RHCE: variants seen among roughly 807,000 people sequenced by gnomAD.
RHCE encodes Rh blood group CcEe antigens, also known as blood group Rh(CE) polypeptide.
In RHCE, 22 loss-of-function variants were observed where a neutral mutation model predicts 43.8. The observed-to-expected ratio is 0.50, with a 90% CI of 0.36 to 0.72. The LOEUF (loss-of-function observed/expected upper bound fraction) is 0.72, where lower values mean the gene tolerates loss of function less well. Ranked by LOEUF, RHCE falls within the 30% of genes least tolerant of loss-of-function variation. RHCE has a pLI of 0.00. For synonymous variants in RHCE, 156 were observed against 210.7 expected, an observed-to-expected ratio of 0.74 and a Z score of 2.25; for missense variants, 385 against 525.4, an observed-to-expected ratio of 0.73 and a Z score of 2.61.
At chr1:25,392,175 G>T in intron 3 of RHCE, 34 bp from the exon 4 acceptor site, 1 of 1,613,880 alleles carries the variant, frequency 6.2e-7, no homozygotes, top group Non-Finnish European at 8.5e-7. Flanking sequence ...AGTGAGTGTC[G>T]GCATCCTCTG....
intron 8 of RHCE, among the ~76,000 whole-genome samples, chr1:25,371,468 A>T (rs1645609575): frequency 6.6e-6 from 1 of 151,194 alleles, no homozygotes; most frequent in East Asian, 2.0e-4. Context: ...ACTCCCAGGC[A>T]CAAGCAACCC....
intron 5 of RHCE, among the ~76,000 whole-genome samples, chr1:25,389,731 G>A (rs183173336): frequency 9.9e-5 from 15 of 152,048 alleles, no homozygotes; most frequent in Non-Finnish European, 2.1e-4. Context: ...ATTATTATTG[G>A]CTACTTGGTG....
chr1:25,420,251 T>C (rs2042731344), intron 1 of RHCE, among the ~76,000 whole-genome samples: 1 of 151,980 alleles, frequency 6.6e-6, no homozygotes, highest in Admixed American at 6.6e-5. Flanking sequence ...CAACATGAAA[T>C]TGCTTGCATA....
chr1:25,402,820 C>T, intron 2 of RHCE, 74 bp from the exon 3 acceptor site: 3 of 1,592,638 alleles, frequency 1.9e-6, no homozygotes, highest in East Asian at 2.2e-5. Context: ...TTCATTCATT[C>T]ATTCAACAAA....
intron 1 of RHCE, among the ~76,000 whole-genome samples, chr1:25,413,237 C>A (rs544731580): frequency 1.3e-5 from 2 of 152,306 alleles, no homozygotes; most frequent in South Asian, 4.1e-4. Flanking sequence ...AGAGCTCATG[C>A]ACCCCAAACT....
intron 1 of RHCE, among the ~76,000 whole-genome samples, chr1:25,413,003 G>A (rs771736276): frequency 1.2e-4 from 19 of 152,080 alleles, no homozygotes; most frequent in Non-Finnish European, 2.6e-4. Context: ...CAGCCTGGAT[G>A]ACAGAGTGAG....
chr1:25,390,115 C>G (rs555870281), intron 5 of RHCE, among the ~76,000 whole-genome samples: 2 of 152,254 alleles, frequency 1.3e-5, no homozygotes, highest in East Asian at 3.9e-4. Flanking sequence ...ACCCCCTGCC[C>G]CCATCATCAT....
intron 8 of RHCE, 96 bp from the exon 9 acceptor site, chr1:25,370,636 T>A (rs1398146918): frequency 9.2e-7 from 1 of 1,088,148 alleles, no homozygotes; most frequent in Non-Finnish European, 1.4e-6. Context: ...AACGACAGTG[T>A]CTCAACAGAA....
chr1:25,378,125 G>C (rs1197964041), intron 7 of RHCE, among the ~76,000 whole-genome samples: 1 of 152,130 alleles, frequency 6.6e-6, no homozygotes, highest in African/African-American at 2.4e-5. Context: ...GTAAAAAATA[G>C]GTTTCACTGC....
chr1:25,395,489 C>A (rs1238377122), intron 3 of RHCE, among the ~76,000 whole-genome samples: 4 of 152,202 alleles, frequency 2.6e-5, no homozygotes, highest in African/African-American at 9.7e-5. Context: ...CCTCCTGAGT[C>A]TGGCAGCACT....
intron 8 of RHCE, among the ~76,000 whole-genome samples, chr1:25,370,947 G>A (rs1645592273): frequency 6.8e-6 from 1 of 148,110 alleles, no homozygotes; most frequent in Non-Finnish European, 1.5e-5. Flanking sequence ...AGTAGGATGG[G>A]GTTTCACCAT....
chr1:25,402,646 C>A lies in RHCE; in HGVS notation c.436G>T (p.Glu146Ter). ...CTCAGGGTGCCTAAAGCTGTCACCT[C>A]CACCAGCACCATCACCACCAACTGC... Reference protein sequence around the residue: ...LAQLVVMVLVEVTALGTLRMV... With the variant: ...LAQLVVMVLV Residue 146 changes from glutamate to a stop codon, truncating the protein, a stop_gained, in exon 3 of 10, where the codon GAG (glutamate) becomes TAG (stop). Transcript: ENST00000294413. LOFTEE classifies it high-confidence loss of function. 9.3e-6 allele frequency: 15 copies of A among 1,614,146 alleles called. No individual in the cohort carries two copies. The highest frequency in any genetic ancestry group is 1.3e-5 in the Non-Finnish European group (15 of 1,180,028).
At chr1:25,382,498 C>A (rs1037216653) in intron 7 of RHCE, among the ~76,000 whole-genome samples, 24 of 148,798 alleles carry the variant, frequency 1.6e-4, no homozygotes, top group Non-Finnish European at 2.7e-4. Flanking sequence ...TAAACCCAAA[C>A]CTGCTGACTG....
At chr1:25,396,959 C>G (rs1646561425) in intron 3 of RHCE, among the ~76,000 whole-genome samples, 1 of 149,222 alleles carries the variant, frequency 6.7e-6, no homozygotes, top group South Asian at 2.1e-4. Flanking sequence ...ACTAAAAATA[C>G]AAAAATTAAC....
chr1:25,379,474 TATATATATATATATATATATA>T (rs1452187573), intron 7 of RHCE, among the ~76,000 whole-genome samples: 16 of 7,854 alleles, frequency 2.0e-3, no homozygotes, highest in African/African-American at 9.1e-3. Flanking sequence ...TATATATATA[TATATATATATATATATATATA>T]TTTTTTTTTT....
At chr1:25,385,270 C>T (rs1195687422) in intron 7 of RHCE, among the ~76,000 whole-genome samples, 4 of 152,222 alleles carry the variant, frequency 2.6e-5, no homozygotes, top group Non-Finnish European at 4.4e-5. Flanking sequence ...AGCATCCCAA[C>T]AGCCCTGTGA....
chr1:25,404,222 G>A (rs706845), intron 2 of RHCE, among the ~76,000 whole-genome samples: 84,805 of 144,932 alleles, frequency 0.59, 26,369 homozygotes, highest in African/African-American at 0.79. Flanking sequence ...CTAGCTCACC[G>A]TTCAGTATCC....
upstream of RHCE, among the ~76,000 whole-genome samples, chr1:25,422,549 G>A (rs2042773700): frequency 6.6e-6 from 1 of 152,136 alleles, no homozygotes; most frequent in South Asian, 2.1e-4. Context: ...CATGACACTG[G>A]GATGGGTACT....
chr1:25,412,176 G>C (rs147091261), intron 1 of RHCE, among the ~76,000 whole-genome samples: 13 of 152,338 alleles, frequency 8.5e-5, no homozygotes, highest in African/African-American at 3.1e-4. Flanking sequence ...GCGCAGCTCT[G>C]AATGCCTGGA....
Sources: allele counts gnomAD v4.1 joint callset (sites outside exome capture counted in the v4.1 genomes callset), GRCh38; gene constraint gnomAD v4.1.1; transcripts MANE v1.5; gene names NCBI Gene and HGNC (gene_info 2026-07-23, HGNC 2026-07-21).